ADCK5: variants seen among roughly 807,000 people sequenced by gnomAD.
The protein encoded by ADCK5 is uncharacterized aarF domain-containing protein kinase 5.
ADCK5 carries 43 observed loss-of-function variants against 64.9 expected under a neutral mutation model. The observed-to-expected ratio is 0.66, with a 90% CI of 0.52 to 0.85. ADCK5 has a LOEUF of 0.85. ADCK5 is among the 40% of genes least tolerant of loss of function. The probability of loss-of-function intolerance (pLI) is 0.00; values close to 1 mark genes in which losing one functional copy is unlikely to be tolerated. For missense variants in ADCK5, 760 were observed against 810.5 expected (o/e 0.94, Z 0.76); for synonymous variants, 434 against 342.8 (o/e 1.27, Z -2.94).
chr8:144,375,558 G>A (rs1457804269), intron 1 of ADCK5: 1 of 985,452 alleles, frequency 1.0e-6, no homozygotes, highest in Non-Finnish European at 1.2e-6. Flanking sequence ...TGCAGGCGCT[G>A]GAAAACCAGA....
At chr8:144,386,742 T>C (rs1182281948) in intron 3 of ADCK5, among the ~76,000 whole-genome samples, 6 of 152,174 alleles carry the variant, frequency 3.9e-5, no homozygotes, top group Non-Finnish European at 7.3e-5. Context: ...AGGAATTCAG[T>C]TTCCAGCCCC....
At position 144,374,095 on chromosome 8, in the gene ADCK5, G is replaced by T. The variant is rs1334084702; in HGVS notation, c.-1G>T. 5.4e-5 allele frequency: 67 copies of T among 1,248,478 alleles called. No homozygotes were observed. Among genetic ancestry groups the T allele is most frequent in the Non-Finnish European group, 6.4e-5 (63 of 988,974 alleles). The allele number at this position is 1,248,478 out of a possible 1,614,324, so 77.3% of individuals were successfully genotyped here. A position where few individuals can be genotyped will look rare whatever the true frequency, so the allele number is the denominator to read the frequency against. On this transcript the variant is annotated 5_prime_UTR_variant, in exon 1 of 15. Transcript: ENST00000308860. ...GGAGAAGAGCGGAGCAGTGGTCGGA[G>T]ATGTGGCGACCGGTGAGGACTCTCC...
intron 2 of ADCK5, among the ~76,000 whole-genome samples, chr8:144,381,591 C>T (rs375791794): frequency 0.07 from 1,972 of 28,348 alleles, no homozygotes; most frequent in Middle Eastern, 0.14. Context: ...GGGCCGGGTG[C>T]AGAAACAGAT....
chr8:144,380,257 C>A (rs75267773), intron 2 of ADCK5, among the ~76,000 whole-genome samples: 18 of 145,662 alleles, frequency 1.2e-4, no homozygotes, highest in African/African-American at 2.6e-4. Context: ...CAGATGTGTG[C>A]TCAGGCACCT....
In ADCK5 at chr8:144,375,665, C is replaced by T. The variant is rs117122193; in HGVS notation, c.12+1558C>T. 103 of 985,296 alleles carry T rather than the reference C, an allele frequency of 1.0e-4. No individual in the cohort carries two copies. In the East Asian group the frequency reaches 7.7e-3, roughly 74 times the overall value. The allele number at this position is 985,296 out of a possible 1,614,324, so 61.0% of individuals were successfully genotyped here. A position where few individuals can be genotyped will look rare whatever the true frequency, so the allele number is the denominator to read the frequency against. On this transcript the variant is annotated intron_variant, in intron 1 of 14. Transcript: ENST00000308860. Reference sequence around the variant, plus strand: ...GAGTGTTACCACTCAGAATACTTGCCGCTTTCAAGGTAGTCAGCTGTGGTC... The same window carrying T: ...GAGTGTTACCACTCAGAATACTTGCTGCTTTCAAGGTAGTCAGCTGTGGTC...
At chr8:144,378,849 A>G (rs1263651035) in intron 1 of ADCK5, among the ~76,000 whole-genome samples, 1 of 152,070 alleles carries the variant, frequency 6.6e-6, no homozygotes, top group African/African-American at 2.4e-5. Flanking sequence ...ATTGCACTCC[A>G]GCCTGGGCGA....
At chr8:144,374,993 G>A (rs1819307899) in intron 1 of ADCK5, among the ~76,000 whole-genome samples, 1 of 152,240 alleles carries the variant, frequency 6.6e-6, no homozygotes, top group South Asian at 2.1e-4. Flanking sequence ...AATGTCAGCA[G>A]AGCTTGTGTT....
intron 2 of ADCK5, among the ~76,000 whole-genome samples, chr8:144,380,918 C>T (rs1473370066): frequency 8.7e-5 from 5 of 57,586 alleles, no homozygotes; most frequent in Non-Finnish European, 3.4e-5. Context: ...AGGCACCTGC[C>T]CCACTCAGGA....
In ADCK5 at chr8:144,383,273, C is replaced by T. The variant is rs782084759; in HGVS notation, c.266+43C>T. 16 of 1,514,852 alleles carry T rather than the reference C, an allele frequency of 1.1e-5. No individual in the cohort carries two copies. The Admixed American group carries it at 1.5e-4, about 14-fold the overall frequency. The allele number at this position is 1,514,852 out of a possible 1,614,324, so 93.8% of individuals were successfully genotyped here. The stretch of plus-strand genomic sequence containing the variant: ...CAGGCAGGGGTTGCGGCGTGGCGGG[C>T]GGGGTGTGTGCGGTGCAGGATTGCC... On this transcript the variant is annotated intron_variant, in intron 3 of 14. Transcript: ENST00000308860.
Position 144,391,075 on chromosome 8 carries a change from C to G in ADCK5, c.543+19C>G, listed in dbSNP as rs782336850. The G allele has an allele frequency of 6.2e-7, 1 of 1,611,120 alleles. No homozygotes were observed. The highest frequency in any genetic ancestry group is 8.5e-7 in the Non-Finnish European group (1 of 1,179,952). On this transcript the variant is annotated intron_variant, in intron 5 of 14. Transcript: ENST00000308860. ...CCAGGAGGTGAGTGTGCGCTCAGGC[C>G]GAGGGAGGTGGGGCCTCCAGCAGTG...
chr8:144,386,471 T>A (rs1554859306), intron 3 of ADCK5, among the ~76,000 whole-genome samples: 1 of 152,022 alleles, frequency 6.6e-6, no homozygotes, highest in Non-Finnish European at 1.5e-5. Context: ...GATTCTCCTG[T>A]CTTAGCCTTC....
At chr8:144,377,948 G>A (rs1819436693) in intron 1 of ADCK5, among the ~76,000 whole-genome samples, 1 of 152,190 alleles carries the variant, frequency 6.6e-6, no homozygotes, top group African/African-American at 2.4e-5. Context: ...GTAAATGACA[G>A]GTCAGGGTGC....
In ADCK5 at chr8:144,392,052, C is replaced by T. The variant is rs377410012; in HGVS notation, c.1096+30C>T. On this transcript the variant is annotated intron_variant, in intron 10 of 14. Transcript: ENST00000308860. The stretch of plus-strand genomic sequence containing the variant: ...GAATTTACCCCAGGGGTGGGGGTCT[C>T]AGGGTGGGCGCAGCGCGACCTAAGA... The T allele has an allele frequency of 4.0e-4, 646 of 1,611,836 alleles. 2 individuals are homozygous for T. Among genetic ancestry groups the T allele is most frequent in the Non-Finnish European group, 4.9e-4 (580 of 1,179,664 alleles).
At chr8:144,382,572 G>A (rs2130702384) in intron 2 of ADCK5, among the ~76,000 whole-genome samples, 1 of 152,354 alleles carries the variant, frequency 6.6e-6, no homozygotes, top group Middle Eastern at 3.4e-3. Flanking sequence ...GCTGTATTCA[G>A]CGTGTATGGT....
intron 3 of ADCK5, among the ~76,000 whole-genome samples, chr8:144,383,936 A>AGGCT (rs1554858825): frequency 1.6e-5 from 2 of 124,086 alleles, no homozygotes; most frequent in African/African-American, 6.5e-5. Flanking sequence ...TCTGTCACCC[A>AGGCT]GGCTGGAGTG....
intron 3 of ADCK5, 30 bp from the exon 4 acceptor site, chr8:144,390,641 G>T (rs377092408): frequency 6.2e-7 from 1 of 1,608,858 alleles, no homozygotes; most frequent in South Asian, 1.1e-5. Flanking sequence ...AGCCTGCCCC[G>T]CTGGAGACTG....
At chr8:144,374,369 C>A (rs1034513071) in intron 1 of ADCK5, among the ~76,000 whole-genome samples, 15 of 152,166 alleles carry the variant, frequency 9.9e-5, no homozygotes, top group African/African-American at 3.6e-4. Flanking sequence ...TCCCGGCCGA[C>A]TCTGTTTAGC....
rs1819357499 is a variant in ADCK5, at chr8:144,376,216, A to AAGCT, written c.12+2109_12+2110insAGCT. ...GGCAGGGCCATGTGGGGTTCAATTG[A>AAGCT]GTCCTGTGCTTCACAGCTGTTGGTC... On this transcript the variant is annotated intron_variant, in intron 1 of 14. Transcript: ENST00000308860. The surrounding 1 kb of genome is among the most constrained non-coding windows in gnomAD (Gnocchi z 5.1). Among the ~76,000 whole-genome samples the AAGCT allele has an allele frequency of 6.6e-6, 1 of 152,166 alleles. No homozygotes were observed. Among genetic ancestry groups the AAGCT allele is most frequent in the Non-Finnish European group, 1.5e-5 (1 of 68,034 alleles).
In ADCK5 at chr8:144,391,997, C is replaced by T; in HGVS notation, c.1071C>T (p.Ile357=). 6.2e-7 allele frequency: 1 copy of T among 1,612,754 alleles called. No individual in the cohort carries two copies. The highest frequency in any genetic ancestry group is 8.5e-7 in the Non-Finnish European group (1 of 1,179,976). ...FAEQIFYTGF[I]HSDPHPGNVL... ...AGCAGATATTTTACACCGGCTTCATCCACTCGGACCCACATCCTGGCAACG... is the reference window on the plus strand; with the variant it reads ...AGCAGATATTTTACACCGGCTTCATTCACTCGGACCCACATCCTGGCAACG... Residue 357 remains isoleucine (I), a synonymous_variant, in exon 10 of 15, where the codon ATC becomes ATT. Transcript: ENST00000308860.
Sources: allele counts gnomAD v4.1 joint callset (sites outside exome capture counted in the v4.1 genomes callset), GRCh38; gene constraint gnomAD v4.1.1; non-coding constraint Gnocchi (gnomAD v3.1); transcripts MANE v1.5; gene names NCBI Gene and HGNC (gene_info 2026-07-23, HGNC 2026-07-21).